The following CRIM1 variants were observed in gnomAD, a reference collection of about 807,000 sequenced individuals.
CRIM1 encodes cysteine-rich motor neuron 1 protein.
Under a neutral mutation model 116.4 loss-of-function variants are expected in CRIM1, and 32 were observed. That is an observed-to-expected ratio of 0.27 (90% CI 0.21 to 0.37). CRIM1 has a LOEUF of 0.37. CRIM1 is among the 10% of genes least tolerant of loss of function. The pLI is 1.00. For synonymous variants in CRIM1, 590 were observed against 509.2 expected (o/e 1.16, Z -2.13); for missense variants, 1,331 against 1,354.8 (o/e 0.98, Z 0.28).
chr2:36,411,269 C>T (rs1478434675), intron 2 of CRIM1, among the ~76,000 whole-genome samples: 4 of 152,112 alleles, frequency 2.6e-5, no homozygotes, highest in Admixed American at 6.5e-5. Context: ...CAGCATGGAA[C>T]TCCCAAAAAT....
At chr2:36,422,646 C>T (rs968503288) in intron 2 of CRIM1, among the ~76,000 whole-genome samples, 4 of 152,122 alleles carry the variant, frequency 2.6e-5, no homozygotes, top group Non-Finnish European at 4.4e-5. Context: ...CTTAATGATA[C>T]GATTCTTGAG....
intron 1 of CRIM1, among the ~76,000 whole-genome samples, chr2:36,380,901 C>T (rs1670696760): frequency 6.6e-6 from 1 of 152,208 alleles, no homozygotes; most frequent in Admixed American, 6.5e-5. Flanking sequence ...TAAAAGATAT[C>T]TCGACCATGT....
intron 13 of CRIM1, chr2:36,532,167 C>T (rs957774876): frequency 2.8e-6 from 1 of 355,728 alleles, no homozygotes; most frequent in African/African-American, 2.1e-5. Flanking sequence ...AAAATTGGCC[C>T]TGGACGCCAT....
At chr2:36,427,058 G>C (rs573370549) in intron 2 of CRIM1, among the ~76,000 whole-genome samples, 3 of 151,984 alleles carry the variant, frequency 2.0e-5, no homozygotes, top group Non-Finnish European at 4.4e-5. Context: ...AAAATTAGCC[G>C]GGTGTAGTGG....
chr2:36,465,076 T>G (rs917483108), intron 5 of CRIM1, among the ~76,000 whole-genome samples: 3 of 152,222 alleles, frequency 2.0e-5, no homozygotes, highest in Non-Finnish European at 4.4e-5. Context: ...TGGCTCATCT[T>G]GTTTAGCATT....
chr2:36,381,494 C>A (rs1357729320), intron 1 of CRIM1, among the ~76,000 whole-genome samples: 1 of 152,124 alleles, frequency 6.6e-6, no homozygotes, highest in Non-Finnish European at 1.5e-5. Context: ...AGGAGCAGGC[C>A]AGAATGCAGA....
At chr2:36,532,691 G>C (rs187819124) in intron 13 of CRIM1, among the ~76,000 whole-genome samples, 5 of 152,318 alleles carry the variant, frequency 3.3e-5, no homozygotes, top group Admixed American at 3.3e-4. Flanking sequence ...CTGGCGGACT[G>C]TGGAACCAGA....
At chr2:36,438,275 TATG>T (rs1230501596) in intron 2 of CRIM1, among the ~76,000 whole-genome samples, 1 of 152,220 alleles carries the variant, frequency 6.6e-6, no homozygotes, top group East Asian at 1.9e-4. Flanking sequence ...TGTAATAGAA[TATG>T]ATAAGAATAT....
At chr2:36,426,200 C>G (rs1674434286) in intron 2 of CRIM1, among the ~76,000 whole-genome samples, 1 of 152,108 alleles carries the variant, frequency 6.6e-6, no homozygotes, top group South Asian at 2.1e-4. Flanking sequence ...TAGTCCAGAA[C>G]CAAGAAGAGC....
chr2:36,513,282 T>C (rs530937384), intron 10 of CRIM1: 14 of 410,930 alleles, frequency 3.4e-5, no homozygotes, highest in Non-Finnish European at 4.9e-5. Context: ...GTTTATTGTA[T>C]AAAATATGAG....
At position 36,356,671 on chromosome 2, in the gene CRIM1, C is replaced by A. The variant is rs753208601; in HGVS notation, c.331+48C>A. On this transcript the variant is annotated intron_variant, in intron 1 of 16. Coordinates refer to ENST00000280527, the MANE Select transcript of CRIM1 (RefSeq NM_016441.3). The surrounding 1 kb of genome is among the most constrained non-coding windows in gnomAD (Gnocchi z 4.3). ...CCCTCCCACCTGGCCTGCGCCGCCC[C>A]CTCGGCGCTGGTTGTGCCGAACAAA... The A allele has an allele frequency of 1.2e-5, 18 of 1,540,818 alleles. No individual in the cohort carries two copies. The Admixed American group carries it at 3.2e-4, about 28-fold the overall frequency.
Position 36,355,995 on chromosome 2 carries a change from C to G in CRIM1, c.-298C>G, listed in dbSNP as rs1309135168. 6.6e-6 allele frequency: 1 copy of G among 151,728 alleles called. No homozygotes were observed. Among genetic ancestry groups the G allele is most frequent in the African/African-American group, 2.4e-5 (1 of 41,332 alleles). 9.4% of individuals were successfully genotyped at this position (151,728 alleles called of 1,614,324 possible). ...GCCGCGCCAGAAGTTTGGGTTGAAC[C>G]GGAGCTGCCGGGAGGAAACTTTTTT... On this transcript the variant is annotated 5_prime_UTR_variant, in exon 1 of 17. Coordinates refer to ENST00000280527, the MANE Select transcript of CRIM1 (RefSeq NM_016441.3).
intron 7 of CRIM1, 95 bp downstream of exon 7, chr2:36,479,789 A>G (rs1679268439): frequency 2.1e-5 from 26 of 1,248,818 alleles, no homozygotes; most frequent in Non-Finnish European, 1.5e-5. Flanking sequence ...TTCCTTGGGC[A>G]TAATGTCTGC....
intron 5 of CRIM1, among the ~76,000 whole-genome samples, chr2:36,469,121 C>T (rs1450375385): frequency 6.6e-6 from 1 of 152,112 alleles, no homozygotes; most frequent in East Asian, 1.9e-4. Context: ...AGGCTAGCCC[C>T]CATTCACAGC....
chr2:36,533,278 G>A (rs1197792605), intron 13 of CRIM1, among the ~76,000 whole-genome samples: 1 of 152,072 alleles, frequency 6.6e-6, no homozygotes, highest in Non-Finnish European at 1.5e-5. Flanking sequence ...AGGAGACAGT[G>A]TATCTAGGAA....
At chr2:36,479,715 T>C in intron 7 of CRIM1, 21 bp downstream of exon 7, 1 of 1,608,660 alleles carries the variant, frequency 6.2e-7, no homozygotes, top group Non-Finnish European at 8.5e-7. Flanking sequence ...CAGATGCTAA[T>C]GAGTCCCTGG....
chr2:36,477,311 C>T (rs569130650), intron 6 of CRIM1, among the ~76,000 whole-genome samples: 1 of 152,118 alleles, frequency 6.6e-6, no homozygotes, highest in South Asian at 2.1e-4. Flanking sequence ...TTTCCACAGG[C>T]AACGTGAGAT....
At chr2:36,363,066 G>A (rs377626771) in intron 1 of CRIM1, among the ~76,000 whole-genome samples, 6 of 152,010 alleles carry the variant, frequency 3.9e-5, no homozygotes, top group African/African-American at 1.5e-4. Context: ...CAGGCTTGGT[G>A]GCAGGCCCCT....
chr2:36,365,904 G>A (rs369278994), intron 1 of CRIM1, among the ~76,000 whole-genome samples: 20 of 152,160 alleles, frequency 1.3e-4, no homozygotes, highest in African/African-American at 4.6e-4. Context: ...CAACTACTTT[G>A]TGTATTTTTA....
Sources: gnomAD v4.1 joint callset for allele counts (sites outside exome capture counted in the v4.1 genomes callset) on GRCh38, gnomAD v4.1.1 for gene constraint, Gnocchi (gnomAD v3.1) non-coding constraint, MANE v1.5 for transcripts, NCBI Gene and HGNC (gene_info 2026-07-23, HGNC 2026-07-21) for gene names.